FAM20A: variants seen among roughly 807,000 people sequenced by gnomAD.
FAM20A encodes pseudokinase FAM20A.
In FAM20A, 42 loss-of-function variants were observed where a neutral mutation model predicts 52.0. That is an observed-to-expected ratio of 0.81 (90% CI 0.63 to 1.04). FAM20A has a LOEUF of 1.04. Ranked by LOEUF, FAM20A falls within the 50% of genes least tolerant of loss-of-function variation. FAM20A has a pLI of 0.00. For synonymous variants in FAM20A, 304 were observed against 298.9 expected (o/e 1.02, Z -0.18); for missense variants, 742 against 712.7 (o/e 1.04, Z -0.47).
intron 4 of FAM20A, chr17:68,550,977 G>T: frequency 9.9e-7 from 1 of 1,009,678 alleles, no homozygotes; most frequent in Non-Finnish European, 1.3e-6. Context: ...ATGGCTGAAG[G>T]TTTGGAATCT....
intron 4 of FAM20A, among the ~76,000 whole-genome samples, chr17:68,547,337 A>G (rs559121653): frequency 4.9e-4 from 74 of 152,314 alleles, no homozygotes; most frequent in African/African-American, 1.8e-3. Context: ...TTTGTTACAT[A>G]TGTATACATG....
chr17:68,552,053 T>TTACATAAGA, intron 3 of FAM20A, 102 bp from the exon 4 acceptor site: 1 of 746,470 alleles, frequency 1.3e-6, no homozygotes, highest in Non-Finnish European at 2.4e-6. Context: ...TTTCCTCTTA[T>TTACATAAGA]GTAATGAGAC....
At position 68,555,692 on chromosome 17, in the gene FAM20A, T is replaced by TG. The variant is rs746662580; in HGVS notation, c.455dup (p.Leu153ThrfsTer17). ...AGCTGGCCTCGAGTCGGAGCTGCAG[T>TG]GGGGGGTCCAGGGAGGTAAGGTTCA... On this transcript the variant is annotated frameshift_variant, in exon 2 of 11. Coordinates refer to ENST00000592554, the MANE Select transcript of FAM20A (RefSeq NM_017565.4). LOFTEE classifies it high-confidence loss of function. 14 of 1,613,768 alleles carry TG rather than the reference T, an allele frequency of 8.7e-6. No homozygotes were observed. Among genetic ancestry groups the TG allele is most frequent in the Admixed American group, 1.7e-5 (1 of 60,006 alleles).
chr17:68,566,587 G>C (rs1027153339), intron 1 of FAM20A, among the ~76,000 whole-genome samples: 1 of 152,188 alleles, frequency 6.6e-6, no homozygotes, highest in East Asian at 1.9e-4. Context: ...GGGTCAAAGA[G>C]GGAAAACAGC....
chr17:68,547,268 A>T (rs1392436273), intron 4 of FAM20A, among the ~76,000 whole-genome samples: 1 of 152,140 alleles, frequency 6.6e-6, no homozygotes, highest in Non-Finnish European at 1.5e-5. Flanking sequence ...CTTTATCATT[A>T]TTATTATTAT....
At chr17:68,543,529 A>G in intron 5 of FAM20A, 100 bp downstream of exon 5, 1 of 1,028,292 alleles carries the variant, frequency 9.7e-7, no homozygotes, top group Non-Finnish European at 1.5e-6. Flanking sequence ...GCCAGAAGGA[A>G]GAAATGCCAG....
chr17:68,572,737 T>A (rs939303708), intron 1 of FAM20A, among the ~76,000 whole-genome samples: 1 of 152,158 alleles, frequency 6.6e-6, no homozygotes, highest in African/African-American at 2.4e-5. Context: ...TTTTTAATTT[T>A]ATTTATTTAT....
At position 68,594,248 on chromosome 17, in the gene FAM20A, A is replaced by G. The variant is rs983557970; in HGVS notation, c.404+6015T>C. 1.8e-4 allele frequency among the ~76,000 whole-genome samples: 28 copies of G among 152,120 alleles called. 1 individual carries two copies. The highest frequency in any genetic ancestry group is 1.8e-3 in the Admixed American group (27 of 15,282). On this transcript the variant is annotated intron_variant, in intron 1 of 10. Coordinates refer to ENST00000592554, the MANE Select transcript of FAM20A (RefSeq NM_017565.4). ...CGCCGTCTCTACTAAAAATACAAAA[A>G]GTTAGCTGGGCGTAGTGGCGGGCGC... is the stretch of plus-strand genomic sequence containing the variant.
At chr17:68,544,934 T>C (rs11077609) in intron 4 of FAM20A, among the ~76,000 whole-genome samples, 57,408 of 152,140 alleles carry the variant, frequency 0.38, 10,948 homozygotes, top group South Asian at 0.46. Context: ...TTACTTTAGA[T>C]CAGTGCTTCT....
intron 1 of FAM20A, among the ~76,000 whole-genome samples, chr17:68,587,303 T>A (rs996588895): frequency 3.3e-5 from 5 of 152,214 alleles, no homozygotes; most frequent in Non-Finnish European, 5.9e-5. Flanking sequence ...GCAAAGTGTG[T>A]AGCAGAAAAT....
intron 1 of FAM20A, among the ~76,000 whole-genome samples, chr17:68,581,675 A>C (rs1356558391): frequency 6.7e-6 from 1 of 148,732 alleles, no homozygotes; most frequent in East Asian, 2.0e-4. Flanking sequence ...TCCCGGGTTT[A>C]AGCGATTGTC....
chr17:68,597,172 A>G (rs747876408), intron 1 of FAM20A, among the ~76,000 whole-genome samples: 4 of 151,538 alleles, frequency 2.6e-5, no homozygotes, highest in African/African-American at 4.9e-5. Flanking sequence ...TTGTGGAAGG[A>G]TACTTTCTGA....
Position 68,542,103 on chromosome 17 carries a change from CACAG to C in FAM20A, c.987_990del (p.Cys330AlafsTer51). ...GAACCCTCCAGCAGGTGTGGGTTGC[CACAG>C]ACAGCATACTCCGTCTTGCACATGT... On this transcript the variant is annotated frameshift_variant, in exon 7 of 11. Coordinates refer to ENST00000592554, the MANE Select transcript of FAM20A (RefSeq NM_017565.4). LOFTEE classifies it high-confidence loss of function. 3 of 1,614,084 alleles carry C rather than the reference CACAG, an allele frequency of 1.9e-6. No homozygotes were observed. The highest frequency in any genetic ancestry group is 2.5e-6 in the Non-Finnish European group (3 of 1,180,020).
At chr17:68,554,647 A>G (rs2087001417) in intron 3 of FAM20A, 130 bp downstream of exon 3, 10 of 870,778 alleles carry the variant, frequency 1.1e-5, no homozygotes, top group Middle Eastern at 3.3e-4. Flanking sequence ...AGAAACGTTG[A>G]GTTCTCAGAG....
Position 68,600,253 on chromosome 17 carries a change from G to T in FAM20A, c.404+10C>A, listed in dbSNP as rs911576650. 2 of 1,557,052 alleles carry T rather than the reference G, an allele frequency of 1.3e-6. No individual in the cohort carries two copies. Among genetic ancestry groups the T allele is most frequent in the Non-Finnish European group, 1.7e-6 (2 of 1,150,904 alleles). ...CGCCCGCTCTCCCGCGTCCCGGGCG[G>T]GGTCCTCACCTGTTCCAGCGGGCCA... is the stretch of plus-strand genomic sequence containing the variant. On this transcript the variant is annotated intron_variant, in intron 1 of 10. Transcript: ENST00000592554. The surrounding 1 kb of genome is among the most constrained non-coding windows in gnomAD (Gnocchi z 6.2).
In FAM20A at chr17:68,555,617, G is replaced by A. The variant is rs777442965; in HGVS notation, c.531C>T (p.Ser177=). 1.2e-6 allele frequency: 2 copies of A among 1,613,610 alleles called. No homozygotes were observed. The highest frequency in any genetic ancestry group is 1.7e-6 in the Non-Finnish European group (2 of 1,180,034). The change falls in exon 2 of 11, where the codon TCC becomes TCT. Residue 177 remains serine (S), a synonymous_variant. Transcript: ENST00000592554. The stretch of plus-strand genomic sequence containing the variant: ...GCAGAAGTTTGCTGACAACAGGGCT[G>A]GACCGGGAGTAGAGCCCATGGCGGT... The part of the protein sequence containing the change: ...GINRHGLYSR[S]SPVVSKLLQD...
intron 1 of FAM20A, among the ~76,000 whole-genome samples, chr17:68,565,861 G>A (rs1044674035): frequency 3.3e-5 from 5 of 152,282 alleles, no homozygotes; most frequent in African/African-American, 1.2e-4. Flanking sequence ...ACAGCTGCAA[G>A]CACTTATTTC....
chr17:68,586,889 T>C (rs779484109), intron 1 of FAM20A, among the ~76,000 whole-genome samples: 1 of 152,036 alleles, frequency 6.6e-6, no homozygotes, highest in Non-Finnish European at 1.5e-5. Flanking sequence ...GACTTCCAAC[T>C]TTCTTTTTTT....
rs943047770 is a variant in FAM20A, at chr17:68,568,750, A to G, written c.405-13007T>C. On this transcript the variant is annotated intron_variant, in intron 1 of 10. Transcript: ENST00000592554. ...TCTTCTCTTAATTCTTTCCTCTCCT[A>G]TAAGGATTCTTGTGCAAGCATTGAG... Among the ~76,000 whole-genome samples, 8 of 151,660 alleles carry G rather than the reference A, an allele frequency of 5.3e-5. No homozygotes were observed. In the South Asian group the frequency reaches 6.2e-4, roughly 12 times the overall value.
Sources: gnomAD v4.1 joint callset for allele counts (sites outside exome capture counted in the v4.1 genomes callset) on GRCh38, gnomAD v4.1.1 for gene constraint, Gnocchi (gnomAD v3.1) non-coding constraint, MANE v1.5 for transcripts, NCBI Gene and HGNC (gene_info 2026-07-23, HGNC 2026-07-21) for gene names.